CARF: variants seen among roughly 807,000 people sequenced by gnomAD.
CARF encodes the protein calcium-responsive transcription factor.
A neutral mutation model predicts 82.0 loss-of-function variants in CARF; 57 were observed. The observed-to-expected ratio is 0.70, with a 90% CI of 0.56 to 0.87. The LOEUF is 0.87. Ranked by LOEUF, CARF falls within the 40% of genes least tolerant of loss-of-function variation. CARF has a pLI of 0.00. For synonymous variants in CARF, 268 were observed against 290.1 expected (o/e 0.92, Z 0.77); for missense variants, 771 against 855.8 (o/e 0.90, Z 1.24).
At chr2:202,966,945 G>T in intron 9 of CARF, 33 bp from the exon 10 acceptor site, 1 of 1,606,548 alleles carries the variant, frequency 6.2e-7, no homozygotes, top group Non-Finnish European at 8.5e-7. Flanking sequence ...ATGGACACTT[G>T]AATTAATATC....
intron 3 of CARF, among the ~76,000 whole-genome samples, chr2:202,935,230 ATATATATTATATATT>A (rs1338973005): frequency 1.4e-5 from 2 of 141,330 alleles, no homozygotes; most frequent in African/African-American, 5.2e-5. Context: ...CTATACTAAT[ATATATATTATATATT>A]TGTATATTAT....
rs372946549 is a variant in CARF, at chr2:202,941,983, A to G, written c.78+3A>G. 2.0e-4 allele frequency: 319 copies of G among 1,612,160 alleles called. No individual in the cohort carries two copies. Among genetic ancestry groups the G allele is most frequent in the Non-Finnish European group, 2.5e-4 (293 of 1,178,562 alleles). On this transcript the variant is annotated splice_donor_region_variant and intron_variant, in intron 4 of 16. Transcript: ENST00000438828. ...AAACCAGTGCTCAAGTATTTGAGGTATGGATTCAGCTGGGAACCTTTTTCC... is the reference window on the plus strand; with the variant it reads ...AAACCAGTGCTCAAGTATTTGAGGTGTGGATTCAGCTGGGAACCTTTTTCC...
At chr2:202,959,699 C>T (rs1387174988) in intron 8 of CARF, among the ~76,000 whole-genome samples, 2 of 151,710 alleles carry the variant, frequency 1.3e-5, no homozygotes, top group East Asian at 3.9e-4. Flanking sequence ...ATCCCAGCTA[C>T]TTGGGAGGCT....
At chr2:202,929,674 T>G (rs750884613) in intron 3 of CARF, among the ~76,000 whole-genome samples, 1 of 152,236 alleles carries the variant, frequency 6.6e-6, no homozygotes, top group Non-Finnish European at 1.5e-5. Flanking sequence ...CAAGGTCTTT[T>G]GTGGTTCCAT....
intron 1 of CARF, among the ~76,000 whole-genome samples, chr2:202,916,785 G>A (rs2105934167): frequency 6.6e-6 from 1 of 152,246 alleles, no homozygotes; most frequent in South Asian, 2.1e-4. Context: ...AATTGCTGTT[G>A]AATAAGATCC....
chr2:202,928,882 A>G (rs1692354043), intron 3 of CARF, among the ~76,000 whole-genome samples: 2 of 152,104 alleles, frequency 1.3e-5, no homozygotes, highest in Non-Finnish European at 2.9e-5. Context: ...GGTCCGTGCC[A>G]CCATCCCCGG....
Position 202,917,956 on chromosome 2 carries a change from G to GGAA in CARF, c.-246_-244dup, listed in dbSNP as rs1254549592. The GGAA allele has an allele frequency of 2.4e-6, 1 of 411,804 alleles. No individual in the cohort carries two copies. Among genetic ancestry groups the GGAA allele is most frequent in the South Asian group, 1.8e-5 (1 of 54,154 alleles). 25.5% of individuals were successfully genotyped at this position (411,804 alleles called of 1,614,324 possible). On this transcript the variant is annotated 5_prime_UTR_variant, in exon 2 of 17. Transcript: ENST00000438828. ...CTATCATGATTTAGTGCCCCCAAAA[G>GGAA]GAAGAACTTCAGTGGACAAGAAAGG...
Position 202,970,066 on chromosome 2 carries a change from T to C in CARF, c.1097+4T>C. On this transcript the variant is annotated splice_donor_region_variant and intron_variant, in intron 11 of 16. Coordinates refer to ENST00000438828, the MANE Select transcript of CARF (RefSeq NM_024744.17). ...TAGATGCTGGTGGTGTTCTTAGGTATGACATTTTTATAGTTCTTTTATTTT... is the reference window on the plus strand; with the variant it reads ...TAGATGCTGGTGGTGTTCTTAGGTACGACATTTTTATAGTTCTTTTATTTT... The C allele has an allele frequency of 6.4e-7, 1 of 1,555,280 alleles. No individual in the cohort carries two copies. Among genetic ancestry groups the C allele is most frequent in the Non-Finnish European group, 8.6e-7 (1 of 1,161,998 alleles).
At chr2:202,964,184 C>T (rs1165495830) in intron 9 of CARF, among the ~76,000 whole-genome samples, 1 of 152,168 alleles carries the variant, frequency 6.6e-6, no homozygotes, top group African/African-American at 2.4e-5. Context: ...ATAGCTTGTA[C>T]CAATTTTCAC....
chr2:202,973,826 G>A (rs1426044302), intron 12 of CARF, among the ~76,000 whole-genome samples: 1 of 151,558 alleles, frequency 6.6e-6, no homozygotes, highest in Non-Finnish European at 1.5e-5. Flanking sequence ...GGTGGCTCAC[G>A]CCTGTAATCC....
intron 3 of CARF, chr2:202,934,492 T>C (rs549322530): frequency 6.6e-6 from 1 of 152,304 alleles, no homozygotes; most frequent in South Asian, 2.1e-4. Flanking sequence ...GGTCTTGCTT[T>C]GTCACCTAGG....
intron 12 of CARF, among the ~76,000 whole-genome samples, chr2:202,972,935 G>GT (rs989674252): frequency 4.0e-5 from 6 of 151,674 alleles, no homozygotes; most frequent in Non-Finnish European, 5.9e-5. Flanking sequence ...TTCTTTTGTT[G>GT]TTTTTTTTAA....
intron 8 of CARF, among the ~76,000 whole-genome samples, 159 bp from the exon 9 acceptor site, chr2:202,961,078 A>G (rs2059301611): frequency 6.6e-6 from 1 of 152,198 alleles, no homozygotes; most frequent in Non-Finnish European, 1.5e-5. Flanking sequence ...TTGAACTCAA[A>G]TCAGACCCAC....
chr2:202,953,499 T>TG (rs1553563228), intron 6 of CARF, among the ~76,000 whole-genome samples: 9 of 1,750 alleles, frequency 5.1e-3, no homozygotes, highest in East Asian at 0.045. Context: ...TTTTTTGTTG[T>TG]TTTTTTTTTT....
At chr2:202,964,898 T>TATAC (rs1204620814) in intron 9 of CARF, among the ~76,000 whole-genome samples, 1 of 148,712 alleles carries the variant, frequency 6.7e-6, no homozygotes, top group Non-Finnish European at 1.5e-5. Context: ...TATATATATA[T>TATAC]ATACACACAC....
intron 3 of CARF, among the ~76,000 whole-genome samples, chr2:202,933,847 C>A (rs938490069): frequency 1.5e-5 from 2 of 129,646 alleles, no homozygotes; most frequent in African/African-American, 5.0e-5. Context: ...CCACAGTCTG[C>A]TTTTCTTTTC....
At position 202,970,005 on chromosome 2, in the gene CARF, A is replaced by G; in HGVS notation, c.1040A>G (p.Gln347Arg). ...KIDKKIIRME[Q>R]EKAFNMLKKN... Reference sequence around the variant, plus strand: ...GACAAGAAAATTATCAGAATGGAGCAGGAGAAAGCTTTTAACATGCTAAAG... The same window carrying G: ...GACAAGAAAATTATCAGAATGGAGCGGGAGAAAGCTTTTAACATGCTAAAG... Residue 347 changes from glutamine to arginine, a missense_variant, in exon 11 of 17, where the codon CAG becomes CGG. Gln to Arg is a conservative substitution (Grantham distance 43). Coordinates refer to ENST00000438828, the MANE Select transcript of CARF (RefSeq NM_024744.17). The G allele has an allele frequency of 6.3e-7, 1 of 1,581,064 alleles. No individual in the cohort carries two copies. The highest frequency in any genetic ancestry group is 8.5e-7 in the Non-Finnish European group (1 of 1,170,764).
intron 10 of CARF, among the ~76,000 whole-genome samples, chr2:202,967,491 G>A (rs974605767): frequency 6.6e-6 from 1 of 152,118 alleles, no homozygotes; most frequent in African/African-American, 2.4e-5. Flanking sequence ...GCACAGATAT[G>A]TTACATACTA....
At chr2:202,938,404 C>T (rs1038524794) in intron 3 of CARF, 2 of 152,054 alleles carry the variant, frequency 1.3e-5, no homozygotes, top group African/African-American at 4.8e-5. Context: ...AGGTATGCAC[C>T]ACAACACCCA....
Sources: allele counts gnomAD v4.1 joint callset (sites outside exome capture counted in the v4.1 genomes callset), GRCh38; gene constraint gnomAD v4.1.1; transcripts MANE v1.5; gene names NCBI Gene and HGNC (gene_info 2026-07-23, HGNC 2026-07-21).